The following HMX1 variants were observed in gnomAD, a reference collection of about 807,000 sequenced individuals.
HMX1 encodes H6 family homeobox 1.
A neutral mutation model predicts 8.9 loss-of-function variants in HMX1; 8 were observed. That is an observed-to-expected ratio of 0.90 (90% CI 0.53 to 1.63). The LOEUF is 1.63. Among genes scored for constraint, HMX1 ranks in the 40% most tolerant of loss-of-function variants. The probability of loss-of-function intolerance (pLI) is 0.00; values close to 1 mark genes in which losing one functional copy is unlikely to be tolerated. For synonymous variants in HMX1, 311 were observed against 283.4 expected (o/e 1.10, Z -0.98); for missense variants, 621 against 558.5 (o/e 1.11, Z -1.13).
intron 1 of HMX1, among the ~76,000 whole-genome samples, chr4:8,861,090 G>A (rs867594997): frequency 1.3e-3 from 197 of 152,172 alleles, no homozygotes; most frequent in African/African-American, 3.9e-3. Context: ...TCGCGTCCGC[G>A]GGGTCCCGGA....
At position 8,860,272 on chromosome 4, in the gene HMX1, T is replaced by G. The variant is rs1403905167; in HGVS notation, c.394+10949A>C. ...CGCTGGGACCGATATACTGCAGGAG[T>G]CCGGGCACAGGCTGAGGGGACCGGC... On this transcript the variant is annotated intron_variant, in intron 1 of 1. Transcript: ENST00000506970. 4.6e-5 allele frequency among the ~76,000 whole-genome samples: 7 copies of G among 152,074 alleles called. No individual in the cohort carries two copies. The South Asian group carries it at 1.5e-3, about 32-fold the overall frequency.
chr4:8,858,409 A>G (rs1721685144), intron 1 of HMX1, among the ~76,000 whole-genome samples: 1 of 152,308 alleles, frequency 6.6e-6, no homozygotes, highest in East Asian at 1.9e-4. Context: ...ATTTTCGCAG[A>G]AGAAAACAGG....
At chr4:8,859,558 G>A (rs1721727483) in intron 1 of HMX1, among the ~76,000 whole-genome samples, 1 of 152,134 alleles carries the variant, frequency 6.6e-6, no homozygotes, top group Non-Finnish European at 1.5e-5. Flanking sequence ...TGAGGAAGTG[G>A]GGAGGGTGCG....
rs190258579 is a variant in HMX1, at chr4:8,853,232, G to C, written c.395-6908C>G. ...CACAAACAAATAAATGAGTGAAGCTGGTAAACCATCCAGGAGGTAGGACAG... is the reference window on the plus strand; with the variant it reads ...CACAAACAAATAAATGAGTGAAGCTCGTAAACCATCCAGGAGGTAGGACAG... On this transcript the variant is annotated intron_variant, in intron 1 of 1. Transcript: ENST00000506970. The surrounding 1 kb of genome is among the most constrained non-coding windows in gnomAD (Gnocchi z 4.7). Among the ~76,000 whole-genome samples the C allele has an allele frequency of 1.1e-3, 160 of 152,304 alleles. No homozygotes were observed. The highest frequency in any genetic ancestry group is 3.7e-3 in the African/African-American group (155 of 41,562).
chr4:8,861,607 A>C (rs538610766), intron 1 of HMX1, among the ~76,000 whole-genome samples: 1 of 152,188 alleles, frequency 6.6e-6, no homozygotes, highest in South Asian at 2.1e-4. Flanking sequence ...GCGTAGGCGG[A>C]GCCCCGGGGG....
intron 1 of HMX1, among the ~76,000 whole-genome samples, chr4:8,869,898 C>T (rs1017594932): frequency 1.3e-5 from 2 of 152,114 alleles, no homozygotes; most frequent in African/African-American, 4.8e-5. Context: ...ACAAATTTCA[C>T]CCTGAGAAAC....
At chr4:8,861,206 G>C (rs912567581) in intron 1 of HMX1, among the ~76,000 whole-genome samples, 4 of 152,250 alleles carry the variant, frequency 2.6e-5, no homozygotes, top group Admixed American at 2.6e-4. Flanking sequence ...AGCGCAGGCC[G>C]AGCAGGGATG....
At chr4:8,856,270 A>C (rs1721605634) in intron 1 of HMX1, among the ~76,000 whole-genome samples, 1 of 152,232 alleles carries the variant, frequency 6.6e-6, no homozygotes, top group Non-Finnish European at 1.5e-5. Context: ...AAATGAATTC[A>C]AGCAATCGTG....
chr4:8,859,338 T>A (rs759579952), intron 1 of HMX1, among the ~76,000 whole-genome samples: 1 of 152,156 alleles, frequency 6.6e-6, no homozygotes, highest in Non-Finnish European at 1.5e-5. Flanking sequence ...CTAGTCCCGA[T>A]TGACAGCCCT....
Position 8,867,482 on chromosome 4 carries a change from T to A in HMX1, c.*211A>T. The A allele has an allele frequency of 8.7e-7, 1 of 1,144,926 alleles. No homozygotes were observed. 70.9% of individuals were successfully genotyped at this position (1,144,926 alleles called of 1,614,324 possible). On this transcript the variant is annotated 3_prime_UTR_variant, in exon 2 of 2. Transcript: ENST00000400677. ...CCCCTGTTCGAGTGGGGATCCAGCC[T>A]GGCAAATGGGTGGGGCGTCCCATTA... is the stretch of plus-strand genomic sequence containing the variant.
chr4:8,854,412 A>T (rs559222371), intron 1 of HMX1, among the ~76,000 whole-genome samples: 2 of 152,350 alleles, frequency 1.3e-5, no homozygotes, highest in South Asian at 4.1e-4. Context: ...CACTGCTGGG[A>T]CACTCCTGTG....
intron 1 of HMX1, among the ~76,000 whole-genome samples, chr4:8,858,031 A>G (rs1414899044): frequency 3.3e-5 from 5 of 151,680 alleles, no homozygotes; most frequent in Non-Finnish European, 7.4e-5. Context: ...CTAAGCCATT[A>G]GGGCTAATGC....
chr4:8,851,124 G>A (rs540416645), intron 1 of HMX1, among the ~76,000 whole-genome samples: 3 of 152,352 alleles, frequency 2.0e-5, no homozygotes, highest in Non-Finnish European at 2.9e-5. Context: ...AGCAGCCGTC[G>A]TTACTGAGCA....
At position 8,868,765 on chromosome 4, in the gene HMX1, G is replaced by A. The variant is rs900403331; in HGVS notation, c.395-420C>T. Among the ~76,000 whole-genome samples the A allele has an allele frequency of 1.3e-5, 2 of 152,148 alleles. No individual in the cohort carries two copies. Among genetic ancestry groups the A allele is most frequent in the African/African-American group, 2.4e-5 (1 of 41,418 alleles). On this transcript the variant is annotated intron_variant, in intron 1 of 1. Coordinates refer to ENST00000400677, the MANE Select transcript of HMX1 (RefSeq NM_018942.3). The surrounding 1 kb of genome is among the most constrained non-coding windows in gnomAD (Gnocchi z 4.6). The stretch of plus-strand genomic sequence containing the variant: ...TCCCGCAGAAGTCCCGGGACAAGAG[G>A]AAAGATGTCCTTCCGAGAAATGTTC...
Position 8,851,028 on chromosome 4 carries a change from C to T in HMX1, c.395-4704G>A, listed in dbSNP as rs148210827. On this transcript the variant is annotated intron_variant, in intron 1 of 1. Transcript: ENST00000506970. ...GTGCCTAGCACGGGGCCCTGGCAGA[C>T]ACTCTCCAGGCTTCTGGAATTCTGA... is the stretch of plus-strand genomic sequence containing the variant. Among the ~76,000 whole-genome samples the T allele has an allele frequency of 6.2e-4, 94 of 152,392 alleles. 2 individuals carry two copies. The East Asian group carries it at 0.017, about 28-fold the overall frequency.
chr4:8,867,312 G>A lies in HMX1; in HGVS notation c.*381C>T. ...GTGGGGACAGTCACCGCTCAGCCTT[G>A]GACAGCCGGTTCGTAGTTTTCCTTT... On this transcript the variant is annotated 3_prime_UTR_variant, in exon 2 of 2. Coordinates refer to ENST00000400677, the MANE Select transcript of HMX1 (RefSeq NM_018942.3). The A allele has an allele frequency of 1.0e-6, 1 of 992,364 alleles. No individual in the cohort carries two copies. Among genetic ancestry groups the A allele is most frequent in the Non-Finnish European group, 1.2e-6 (1 of 834,736 alleles). The allele number at this position is 992,364 out of a possible 1,614,324, so 61.5% of individuals were successfully genotyped here. A position where few individuals can be genotyped will look rare whatever the true frequency, so the allele number is the denominator to read the frequency against.
rs1271812854 is a variant in HMX1, at chr4:8,871,816, G to C, written c.-202C>G. The C allele has an allele frequency of 1.8e-5, 11 of 608,202 alleles. No individual in the cohort carries two copies. The highest frequency in any genetic ancestry group is 1.4e-4 in the African/African-American group (7 of 50,492). 37.7% of individuals were successfully genotyped at this position (608,202 alleles called of 1,614,324 possible). On this transcript the variant is annotated 5_prime_UTR_variant, in exon 1 of 2. Coordinates refer to ENST00000400677, the MANE Select transcript of HMX1 (RefSeq NM_018942.3). This position sits in a 1 kb window ranked among gnomAD's most constrained non-coding sequence, Gnocchi z 4.8. Reference sequence around the variant, plus strand: ...AGCGAGTGCGCGCCGACAGCTGATCGGGCAGCCGCCTGGCTCGCCTTTCAG... The same window carrying C: ...AGCGAGTGCGCGCCGACAGCTGATCCGGCAGCCGCCTGGCTCGCCTTTCAG...
chr4:8,858,144 TG>T (rs1167588738), intron 1 of HMX1, among the ~76,000 whole-genome samples: 1 of 151,694 alleles, frequency 6.6e-6, no homozygotes, highest in Non-Finnish European at 1.5e-5. Context: ...CCCGTCCATT[TG>T]GGGGAAATGG....
intron 1 of HMX1, among the ~76,000 whole-genome samples, chr4:8,855,813 A>C (rs1274094017): frequency 6.6e-6 from 1 of 152,120 alleles, no homozygotes; most frequent in Non-Finnish European, 1.5e-5. Flanking sequence ...GTGAGAGCCA[A>C]TCTGCCTGCT....
Sources: gnomAD v4.1 joint callset for allele counts (sites outside exome capture counted in the v4.1 genomes callset) on GRCh38, gnomAD v4.1.1 for gene constraint, Gnocchi (gnomAD v3.1) non-coding constraint, MANE v1.5 for transcripts, NCBI Gene and HGNC (gene_info 2026-07-23, HGNC 2026-07-21) for gene names.